The following KHDC1 variants were observed in gnomAD, a reference collection of about 807,000 sequenced individuals.
KHDC1 encodes KH domain containing 1.
KHDC1 carries 21 observed loss-of-function variants against 24.7 expected under a neutral mutation model. The ratio of observed to expected loss-of-function variants is 0.85; its 90% CI spans 0.60 to 1.23. KHDC1 has a LOEUF of 1.23. KHDC1 is among the 50% of genes most tolerant of loss of function. The pLI, the probability that KHDC1 is intolerant of heterozygous loss-of-function variation, is 0.00. For synonymous variants in KHDC1, 98 were observed against 111.7 expected, an observed-to-expected ratio of 0.88 and a Z score of 0.77; for missense variants, 274 against 298.5, an observed-to-expected ratio of 0.92 and a Z score of 0.61.
At chr6:73,278,115 G>A (rs1422053715) in intron 2 of KHDC1, among the ~76,000 whole-genome samples, 4 of 147,774 alleles carry the variant, frequency 2.7e-5, no homozygotes, top group Non-Finnish European at 5.9e-5. Context: ...GGGTTCAAGC[G>A]ATTCTCCTGC....
chr6:73,287,341 A>C (rs192666671), intron 2 of KHDC1, among the ~76,000 whole-genome samples: 11 of 152,346 alleles, frequency 7.2e-5, no homozygotes, highest in Non-Finnish European at 1.5e-4. Context: ...CACAATCATC[A>C]TAACAAGTGG....
At chr6:73,255,468 C>T (rs1481368737) in intron 2 of KHDC1, among the ~76,000 whole-genome samples, 1 of 148,644 alleles carries the variant, frequency 6.7e-6, no homozygotes, top group Non-Finnish European at 1.5e-5. Context: ...ATCCACCCGC[C>T]TTCTTGGCCT....
At chr6:73,254,542 G>C (rs1766845751) in intron 2 of KHDC1, among the ~76,000 whole-genome samples, 1 of 151,520 alleles carries the variant, frequency 6.6e-6, no homozygotes, top group Non-Finnish European at 1.5e-5. Flanking sequence ...GAAATTACAA[G>C]AAAGTGTTTC....
At chr6:73,241,808 G>A (rs1766574368) in intron 4 of KHDC1, 80 bp from the exon 4 acceptor site, 2 of 1,474,098 alleles carry the variant, frequency 1.4e-6, no homozygotes. Flanking sequence ...CATCAGGGAG[G>A]CTGCAGGGAG....
At chr6:73,294,238 G>A (rs1767718839) in intron 1 of KHDC1, among the ~76,000 whole-genome samples, 1 of 151,950 alleles carries the variant, frequency 6.6e-6, no homozygotes, top group Non-Finnish European at 1.5e-5. Context: ...TTGCTGTCTT[G>A]TTTCCTGCTG....
At chr6:73,258,130 C>A (rs1436865432) in intron 2 of KHDC1, among the ~76,000 whole-genome samples, 1 of 152,138 alleles carries the variant, frequency 6.6e-6, no homozygotes, top group East Asian at 1.9e-4. Context: ...TGGTGCACAC[C>A]TGTAATCCCA....
At chr6:73,298,517 C>T (rs1016307634) in intron 1 of KHDC1, among the ~76,000 whole-genome samples, 2 of 147,314 alleles carry the variant, frequency 1.4e-5, no homozygotes, top group Middle Eastern at 7.1e-3. Context: ...CTCACAGCAA[C>T]CTCCGCCTCC....
intron 2 of KHDC1, among the ~76,000 whole-genome samples, chr6:73,251,669 T>C (rs192411832): frequency 1.3e-5 from 2 of 152,284 alleles, no homozygotes. Context: ...TTTCAATGAA[T>C]TGCAACTGTA....
chr6:73,279,228 G>A (rs1184628367), intron 2 of KHDC1, among the ~76,000 whole-genome samples: 4 of 152,090 alleles, frequency 2.6e-5, no homozygotes, highest in Non-Finnish European at 4.4e-5. Context: ...CCAACGTGAC[G>A]AAACCCCGTC....
intron 2 of KHDC1, among the ~76,000 whole-genome samples, chr6:73,255,587 C>T (rs1766866352): frequency 1.4e-5 from 2 of 147,600 alleles, no homozygotes; most frequent in Non-Finnish European, 3.0e-5. Context: ...TCAGTGGGAT[C>T]ATTGCTTGCG....
At chr6:73,251,534 C>T (rs977897827) in intron 2 of KHDC1, among the ~76,000 whole-genome samples, 2 of 152,280 alleles carry the variant, frequency 1.3e-5, no homozygotes, top group Non-Finnish European at 2.9e-5. Context: ...AAAATATTGA[C>T]ATCTAATGCA....
chr6:73,295,615 G>T (rs1767743944), intron 1 of KHDC1, among the ~76,000 whole-genome samples: 1 of 152,078 alleles, frequency 6.6e-6, no homozygotes, highest in Non-Finnish European at 1.5e-5. Context: ...GGAGGCCAAG[G>T]CGGGCGGATT....
At chr6:73,264,424 A>C (rs1350957791) in intron 2 of KHDC1, among the ~76,000 whole-genome samples, 1 of 152,162 alleles carries the variant, frequency 6.6e-6, no homozygotes, top group Non-Finnish European at 1.5e-5. Context: ...ACAGCCTAGG[A>C]GTCTCAAGCC....
At chr6:73,291,343 C>T (rs997644241) in intron 2 of KHDC1, 2 of 204,332 alleles carry the variant, frequency 9.8e-6, no homozygotes, top group Non-Finnish European at 2.0e-5. Context: ...CAAGAAAACA[C>T]GAACAGCTGA....
chr6:73,255,656 C>T (rs1433272246), intron 2 of KHDC1, among the ~76,000 whole-genome samples: 1 of 148,944 alleles, frequency 6.7e-6, no homozygotes, highest in Non-Finnish European at 1.5e-5. Flanking sequence ...AATCCCAGCA[C>T]TTTGGGAGGC....
At chr6:73,278,657 T>C (rs1170251374) in intron 2 of KHDC1, among the ~76,000 whole-genome samples, 1 of 152,256 alleles carries the variant, frequency 6.6e-6, no homozygotes, top group Non-Finnish European at 1.5e-5. Flanking sequence ...TTTTGCATTA[T>C]GATTTTTATT....
chr6:73,249,787 T>C (rs1182922794), intron 2 of KHDC1, among the ~76,000 whole-genome samples: 2 of 152,136 alleles, frequency 1.3e-5, no homozygotes, highest in East Asian at 3.9e-4. Context: ...TCTTGCCCTA[T>C]TACCCAGTCC....
At chr6:73,245,625 T>G (rs908187405) in intron 2 of KHDC1, among the ~76,000 whole-genome samples, 1 of 152,086 alleles carries the variant, frequency 6.6e-6, no homozygotes, top group African/African-American at 2.4e-5. Context: ...GTTCTCAAAT[T>G]TAGTGTTAGA....
intron 2 of KHDC1, among the ~76,000 whole-genome samples, chr6:73,277,920 T>C (rs560336600): frequency 6.6e-6 from 1 of 152,022 alleles, no homozygotes; most frequent in Non-Finnish European, 1.5e-5. Flanking sequence ...TTTATGGTTT[T>C]TACTGTTTGT....
Sources: gnomAD v4.1 joint callset for allele counts (sites outside exome capture counted in the v4.1 genomes callset) on GRCh38, gnomAD v4.1.1 for gene constraint, MANE v1.5 for transcripts, NCBI Gene and HGNC (gene_info 2026-07-23, HGNC 2026-07-21) for gene names.